The following FAIM2 variants were observed in gnomAD, a reference collection of about 807,000 sequenced individuals.
The protein encoded by FAIM2 is protein lifeguard 2.
Under a neutral mutation model 47.4 loss-of-function variants are expected in FAIM2, and 27 were observed. That is an observed-to-expected ratio of 0.57 (90% CI 0.42 to 0.78). FAIM2 has a LOEUF of 0.78. Among genes scored for constraint, FAIM2 ranks in the 30% least tolerant of loss-of-function variants. The pLI is 0.00. For synonymous variants in FAIM2, 156 were observed against 159.3 expected (o/e 0.98, Z 0.16); for missense variants, 311 against 389.4 (o/e 0.80, Z 1.69).
At chr12:49,885,296 C>T (rs933890645) in intron 11 of FAIM2, among the ~76,000 whole-genome samples, 5 of 152,188 alleles carry the variant, frequency 3.3e-5, no homozygotes, top group South Asian at 2.1e-4. Context: ...GTAAACTCCC[C>T]GGCCGGCCCC....
In FAIM2 at chr12:49,868,742, G is replaced by A. The variant is rs1946681072; in HGVS notation, c.*1762C>T. On this transcript the variant is annotated 3_prime_UTR_variant, in exon 12 of 12. Coordinates refer to ENST00000320634, the MANE Select transcript of FAIM2 (RefSeq NM_012306.4). ...GCTTTTCCCTCTGCTACGGACATGA[G>A]CAGAGCGCTGTCTCTGGAGGATCAC... 6.6e-6 allele frequency: 1 copy of A among 152,270 alleles called. No homozygotes were observed. The allele number at this position is 152,270 out of a possible 1,614,324, so 9.4% of individuals were successfully genotyped here.
At chr12:49,903,728 G>A (rs2137111319) in intron 1 of FAIM2, 50 bp downstream of exon 1, 2 of 1,550,058 alleles carry the variant, frequency 1.3e-6, no homozygotes, top group Non-Finnish European at 1.7e-6. Flanking sequence ...ATGACAGGGA[G>A]CCGGGAGCCG....
intron 11 of FAIM2, among the ~76,000 whole-genome samples, chr12:49,872,987 A>C (rs874965): frequency 6.6e-6 from 1 of 152,198 alleles, no homozygotes; most frequent in African/African-American, 2.4e-5. Context: ...TCTTGAGGAC[A>C]TGCACGTGCT....
intron 11 of FAIM2, among the ~76,000 whole-genome samples, chr12:49,883,256 G>A (rs1424237576): frequency 1.3e-5 from 2 of 152,178 alleles, no homozygotes; most frequent in Non-Finnish European, 2.9e-5. Context: ...GGGCACAGGG[G>A]CAGCCTGCAG....
rs758131955 is a variant in FAIM2 at position 49,901,358 on chromosome 12, C to G, written c.16-33G>C. The G allele has an allele frequency of 2.7e-6, 4 of 1,466,570 alleles. No individual in the cohort carries two copies. The Admixed American group carries it at 1.0e-4, about 37-fold the overall frequency. The allele number at this position is 1,466,570 out of a possible 1,614,324, so 90.8% of individuals were successfully genotyped here. A position where few individuals can be genotyped will look rare whatever the true frequency, so the allele number is the denominator to read the frequency against. Reference sequence around the variant, plus strand: ...GTAGAGTCAGAGAGAGAGATAGTCACCAGGGAAAGGGAGCCTTCCAACTCC... The same window carrying G: ...GTAGAGTCAGAGAGAGAGATAGTCAGCAGGGAAAGGGAGCCTTCCAACTCC... On this transcript the variant is annotated intron_variant, in intron 1 of 11. Transcript: ENST00000320634.
intron 7 of FAIM2, 136 bp downstream of exon 7, chr12:49,890,547 G>A (rs952455877): frequency 1.2e-6 from 1 of 801,126 alleles, no homozygotes; most frequent in Non-Finnish European, 2.2e-6. Flanking sequence ...GAAGTGGGGT[G>A]AAAACACCCC....
At chr12:49,887,281 G>C (rs1011104847) in intron 11 of FAIM2, 105 bp downstream of exon 11, 2 of 1,056,016 alleles carry the variant, frequency 1.9e-6, no homozygotes, top group South Asian at 2.7e-5. Context: ...AGGTGCTCCC[G>C]AGGATCCAGG....
In FAIM2 at chr12:49,889,186, C is replaced by T. The variant is rs141214854; in HGVS notation, c.668G>A (p.Cys223Tyr). 123 of 1,611,324 alleles carry T rather than the reference C, an allele frequency of 7.6e-5. No individual in the cohort carries two copies. The African/African-American group carries it at 1.6e-3, about 21-fold the overall frequency. The change falls in exon 10 of 12, where the codon TGC becomes TAC. Residue 223 changes from cysteine to tyrosine, a missense_variant. Coordinates refer to ENST00000320634, the MANE Select transcript of FAIM2 (RefSeq NM_012306.4). Reference protein sequence around the residue: ...SFQTKFDFTSCQGVLFVLLMT... With the variant: ...SFQTKFDFTSYQGVLFVLLMT... The stretch of plus-strand genomic sequence containing the variant: ...GAGAAGCACGAAGAGCACGCCCTGG[C>T]AGGAGGTGAAGTCGAACTGTGGGGA...
chr12:49,882,444 A>G (rs1172293503), intron 11 of FAIM2, among the ~76,000 whole-genome samples: 1 of 152,194 alleles, frequency 6.6e-6, no homozygotes, highest in African/African-American at 2.4e-5. Flanking sequence ...TAAGGGAATG[A>G]GTCCCAAAGC....
At chr12:49,880,220 A>G (rs1200658583) in intron 11 of FAIM2, among the ~76,000 whole-genome samples, 5 of 120,060 alleles carry the variant, frequency 4.2e-5, no homozygotes, top group African/African-American at 1.0e-4. Context: ...ATGTGTGTAT[A>G]TGTGCATGCA....
intron 2 of FAIM2, chr12:49,900,405 C>T (rs150778937): frequency 3.0e-5 from 8 of 268,126 alleles, no homozygotes; most frequent in East Asian, 1.1e-4. Context: ...GGAAGCTATA[C>T]GTTCCTGGCC....
intron 11 of FAIM2, among the ~76,000 whole-genome samples, chr12:49,882,037 T>C (rs1055311142): frequency 1.3e-5 from 2 of 152,152 alleles, no homozygotes; most frequent in East Asian, 3.9e-4. Flanking sequence ...TGGTGGGAGT[T>C]GAGGGGAGGG....
intron 5 of FAIM2, among the ~76,000 whole-genome samples, chr12:49,895,164 A>G (rs1457851879): frequency 6.6e-6 from 1 of 152,082 alleles, no homozygotes; most frequent in African/African-American, 2.4e-5. Flanking sequence ...GGAACACCCT[A>G]TGAAAAGCGC....
In FAIM2 at chr12:49,890,736, C is replaced by A; in HGVS notation, c.486-14G>T. On this transcript the variant is annotated splice_polypyrimidine_tract_variant and intron_variant, in intron 6 of 11. Coordinates refer to ENST00000320634, the MANE Select transcript of FAIM2 (RefSeq NM_012306.4). ...GGGAAATGCCTCCTGCAAGGCAAGC[C>A]ACAGAGTTCAGGGGATCGTAGGGGG... The A allele has an allele frequency of 6.2e-7, 1 of 1,613,842 alleles. No homozygotes were observed. The highest frequency in any genetic ancestry group is 8.5e-7 in the Non-Finnish European group (1 of 1,179,770).
At chr12:49,881,065 A>G (rs1361725113) in intron 11 of FAIM2, among the ~76,000 whole-genome samples, 1 of 152,138 alleles carries the variant, frequency 6.6e-6, no homozygotes, top group African/African-American at 2.4e-5. Context: ...AGTGGTCAAC[A>G]TCGGAACTGG....
intron 5 of FAIM2, among the ~76,000 whole-genome samples, chr12:49,895,341 T>C (rs1357220049): frequency 6.6e-6 from 1 of 151,440 alleles, no homozygotes; most frequent in Non-Finnish European, 1.5e-5. Flanking sequence ...TCCCCCCCAA[T>C]GGAGTGGACT....
chr12:49,895,911 T>G (rs1946933495), intron 5 of FAIM2, among the ~76,000 whole-genome samples: 1 of 152,216 alleles, frequency 6.6e-6, no homozygotes, highest in African/African-American at 2.4e-5. Flanking sequence ...CAAGATGCCT[T>G]GGAATTCCCC....
chr12:49,876,892 G>T (rs1946740617), intron 11 of FAIM2, among the ~76,000 whole-genome samples: 1 of 152,188 alleles, frequency 6.6e-6, no homozygotes, highest in Admixed American at 6.5e-5. Context: ...AGACAGGCAG[G>T]TTAGCCCCAT....
chr12:49,895,773 A>AG (rs564332196), intron 5 of FAIM2, among the ~76,000 whole-genome samples: 59 of 152,308 alleles, frequency 3.9e-4, no homozygotes, highest in African/African-American at 1.3e-3. Context: ...GACGTGGTCC[A>AG]GGGGGCTCTG....
Sources: gnomAD v4.1 joint callset for allele counts (sites outside exome capture counted in the v4.1 genomes callset) on GRCh38, gnomAD v4.1.1 for gene constraint, MANE v1.5 for transcripts, NCBI Gene and HGNC (gene_info 2026-07-23, HGNC 2026-07-21) for gene names.